Variants in CENPU observed in about 807,000 individuals in gnomAD.
CENPU encodes the protein centromere protein U.
Under a neutral mutation model 56.7 loss-of-function variants are expected in CENPU, and 46 were observed. The ratio of observed to expected loss-of-function variants is 0.81; its 90% confidence interval spans 0.64 to 1.04. The LOEUF (loss-of-function observed/expected upper bound fraction) is 1.04, where lower values mean the gene tolerates loss of function less well. CENPU is among the 50% of genes least tolerant of loss of function. The pLI is 0.00. For synonymous variants in CENPU, 166 were observed against 163.0 expected, an observed-to-expected ratio of 1.02 and a Z score of -0.14; for missense variants, 510 against 490.1, an observed-to-expected ratio of 1.04 and a Z score of -0.38.
chr4:184,717,273 A>G, intron 4 of CENPU, 77 bp from the exon 5 acceptor site: 1 of 1,027,746 alleles, frequency 9.7e-7, no homozygotes, highest in East Asian at 2.4e-5. Flanking sequence ...TTGCTCATTC[A>G]ACATGAAAAC....
At chr4:184,724,451 G>T (rs1262227020) in intron 4 of CENPU, among the ~76,000 whole-genome samples, 1 of 152,154 alleles carries the variant, frequency 6.6e-6, no homozygotes, top group African/African-American at 2.4e-5. Context: ...TTGCTCCCAA[G>T]TTTTCTCTAT....
chr4:184,694,472 AG>A lies in CENPU; in HGVS notation c.*815del. ...GTATAAGGTTAAATCACATATCCTG[AG>A]TAAATATTTTCCTATCCCACTCTCT... is the stretch of plus-strand genomic sequence containing the variant. On this transcript the variant is annotated 3_prime_UTR_variant, in exon 13 of 13. Coordinates refer to ENST00000281453, the MANE Select transcript of CENPU (RefSeq NM_024629.4). 1 of 1,580,126 alleles carries A rather than the reference AG, an allele frequency of 6.3e-7. No individual in the cohort carries two copies. The highest frequency in any genetic ancestry group is 1.1e-5 in the South Asian group (1 of 87,056).
At chr4:184,732,023 A>T (rs890160356) in intron 1 of CENPU, among the ~76,000 whole-genome samples, 3 of 152,136 alleles carry the variant, frequency 2.0e-5, no homozygotes, top group Non-Finnish European at 2.9e-5. Flanking sequence ...TAACACTGAT[A>T]CCATAATCTA....
rs1223827605 is a variant in CENPU at position 184,702,220 on chromosome 4, A to T, written c.877-84T>A. 4 of 1,290,982 alleles carry T rather than the reference A, an allele frequency of 3.1e-6. No individual in the cohort carries two copies. In the Admixed American group the frequency reaches 7.4e-5, roughly 24 times the overall value. 80.0% of individuals were successfully genotyped at this position (1,290,982 alleles called of 1,614,324 possible). ...TTCACATGTGTCACATTTAGTTTAA[A>T]AACAGTTATGTGGAATATGAATAGT... On this transcript the variant is annotated intron_variant, in intron 9 of 12. Coordinates refer to ENST00000281453, the MANE Select transcript of CENPU (RefSeq NM_024629.4).
intron 1 of CENPU, among the ~76,000 whole-genome samples, chr4:184,733,804 C>T (rs547918345): frequency 2.0e-5 from 3 of 152,366 alleles, no homozygotes; most frequent in Admixed American, 2.0e-4. Context: ...CTCCCACCCG[C>T]CAGGCAGTGT....
chr4:184,723,332 T>A (rs1364087690), intron 4 of CENPU, among the ~76,000 whole-genome samples: 11 of 152,114 alleles, frequency 7.2e-5, no homozygotes, highest in African/African-American at 2.7e-4. Context: ...GAAGGACATA[T>A]GAGAAATTAA....
intron 4 of CENPU, 32 bp from the exon 5 acceptor site, chr4:184,717,228 A>G: frequency 6.6e-7 from 1 of 1,521,880 alleles, no homozygotes; most frequent in Non-Finnish European, 9.1e-7. Flanking sequence ...AATATCTTGT[A>G]CACATTCCAT....
At chr4:184,725,546 T>C (rs1006481175) in intron 3 of CENPU, among the ~76,000 whole-genome samples, 12 of 152,194 alleles carry the variant, frequency 7.9e-5, no homozygotes, top group African/African-American at 2.9e-4. Flanking sequence ...AATAAAAATA[T>C]AAATCGGAAG....
chr4:184,709,533 C>T (rs1760850374), intron 8 of CENPU, among the ~76,000 whole-genome samples: 1 of 151,472 alleles, frequency 6.6e-6, no homozygotes, highest in African/African-American at 2.4e-5. Context: ...AACTATGATG[C>T]ATATTAGTAT....
At chr4:184,727,029 T>C (rs1228472728) in intron 3 of CENPU, among the ~76,000 whole-genome samples, 1 of 148,356 alleles carries the variant, frequency 6.7e-6, no homozygotes, top group Non-Finnish European at 1.5e-5. Flanking sequence ...GCAGGGAGAA[T>C]TGCTTGAACC....
chr4:184,701,157 G>A (rs184768157), intron 10 of CENPU, among the ~76,000 whole-genome samples: 1 of 152,256 alleles, frequency 6.6e-6, no homozygotes, highest in Admixed American at 6.5e-5. Flanking sequence ...GGTCTTTACT[G>A]GACCCTGTGA....
intron 6 of CENPU, among the ~76,000 whole-genome samples, chr4:184,716,186 C>T (rs535586772): frequency 2.6e-5 from 4 of 152,174 alleles, no homozygotes; most frequent in South Asian, 2.1e-4. Flanking sequence ...CCCCCTGCCT[C>T]GGTCTCCCAA....
chr4:184,717,185 G>C lies in CENPU; in HGVS notation c.332C>G (p.Ser111Cys). The part of the protein sequence containing the change: ...GKEAKRSSDT[S>C]GNEASEIESV... ...TTCGATTTCACTTGCTTCATTTCCA[G>C]AAGTGTCTGAACTGTAAAAAGTACA... Residue 111 changes from serine (S) to cysteine (C), a missense_variant, in exon 5 of 13, where the codon TCT (serine) becomes TGT (cysteine). Coordinates refer to ENST00000281453, the MANE Select transcript of CENPU (RefSeq NM_024629.4). The C allele has an allele frequency of 1.9e-6, 3 of 1,611,844 alleles. No individual in the cohort carries two copies. The highest frequency in any genetic ancestry group is 2.5e-6 in the Non-Finnish European group (3 of 1,179,410).
At position 184,713,018 on chromosome 4, in the gene CENPU, A is replaced by AC; in HGVS notation, c.619-6_619-5insG. ...CTTCCCTTTTTTCTGAGTTTTCTAC[A>AC]AAAAAAAAAAGCATTAAGTTTTTAA... On this transcript the variant is annotated splice_region_variant and splice_polypyrimidine_tract_variant and intron_variant, in intron 6 of 12. Coordinates refer to ENST00000281453, the MANE Select transcript of CENPU (RefSeq NM_024629.4). 1 of 362,324 alleles carries AC rather than the reference A, an allele frequency of 2.8e-6. No homozygotes were observed. Among genetic ancestry groups the AC allele is most frequent in the African/African-American group, 4.0e-5 (1 of 25,292 alleles). 22.4% of individuals were successfully genotyped at this position (362,324 alleles called of 1,614,324 possible). A position where few individuals can be genotyped will look rare whatever the true frequency, so the allele number is the denominator to read the frequency against.
intron 4 of CENPU, among the ~76,000 whole-genome samples, chr4:184,718,607 C>T (rs530306266): frequency 6.6e-6 from 1 of 152,282 alleles, no homozygotes; most frequent in African/African-American, 2.4e-5. Context: ...GAAACTACCG[C>T]AGGAACGCTG....
rs139242203 is a variant in CENPU, at chr4:184,712,989, A to G, written c.643T>C (p.Ser215Pro). ...QSKTQKKGKI[S>P]HDKRKKSRSK... ...CTTGATTTCTTCCTTTTGTCATGAG[A>G]TATCTTCCCTTTTTTCTGAGTTTTC... is the stretch of plus-strand genomic sequence containing the variant. Residue 215 changes from serine (S) to proline (P), a missense_variant, in exon 7 of 13, where the codon TCT becomes CCT. Transcript: ENST00000281453. The G allele has an allele frequency of 9.7e-4, 1,541 of 1,590,804 alleles. 10 individuals are homozygous for G. In the Middle Eastern group the frequency reaches 0.013, roughly 14 times the overall value.
chr4:184,733,323 G>T, intron 1 of CENPU: 1 of 986,278 alleles, frequency 1.0e-6, no homozygotes. Context: ...GCCTTCCCAG[G>T]CCCGGGGGAA....
At chr4:184,728,330 C>T (rs767705240) in intron 3 of CENPU, among the ~76,000 whole-genome samples, 12 of 152,194 alleles carry the variant, frequency 7.9e-5, no homozygotes, top group Non-Finnish European at 1.6e-4. Context: ...TCTCTTAAAA[C>T]TTATTCCAGC....
In CENPU at chr4:184,694,672, A is replaced by G. The variant is rs1230871429; in HGVS notation, c.*616T>C. The G allele has an allele frequency of 1.9e-6, 3 of 1,614,056 alleles. No individual in the cohort carries two copies. The highest frequency in any genetic ancestry group is 4.5e-5 in the East Asian group (2 of 44,892). On this transcript the variant is annotated 3_prime_UTR_variant, in exon 13 of 13. Coordinates refer to ENST00000281453, the MANE Select transcript of CENPU (RefSeq NM_024629.4). ...TGATGATGCTTATTTTTTAGAAGCT[A>G]CTGAAGATGCTGAATTAGCTGAAGC...
Sources: allele counts gnomAD v4.1 joint callset (sites outside exome capture counted in the v4.1 genomes callset), GRCh38; gene constraint gnomAD v4.1.1; transcripts MANE v1.5; gene names NCBI Gene and HGNC (gene_info 2026-07-23, HGNC 2026-07-21).